PRKCSH: variants seen among roughly 807,000 people sequenced by gnomAD.
PRKCSH encodes glucosidase 2 subunit beta.
In PRKCSH, 42 loss-of-function variants were observed where a neutral mutation model predicts 79.7. That is an observed-to-expected ratio of 0.53 (90% CI 0.41 to 0.68). The LOEUF (loss-of-function observed/expected upper bound fraction) is 0.68, where lower values mean the gene tolerates loss of function less well. PRKCSH is among the 30% of genes least tolerant of loss of function. The pLI, the probability that PRKCSH is intolerant of heterozygous loss-of-function variation, is 0.00. For synonymous variants in PRKCSH, 325 were observed against 288.2 expected (o/e 1.13, Z -1.29); for missense variants, 686 against 709.0 (o/e 0.97, Z 0.37).
At chr19:11,437,448 T>C (rs1158932285) in intron 3 of PRKCSH, among the ~76,000 whole-genome samples, 1 of 151,342 alleles carries the variant, frequency 6.6e-6, no homozygotes, top group Non-Finnish European at 1.5e-5. Flanking sequence ...ACCTCCCGGG[T>C]TCAAGCGATT....
At chr19:11,437,846 C>A (rs369233857) in intron 3 of PRKCSH, 30 bp from the exon 4 acceptor site, 6 of 1,603,196 alleles carry the variant, frequency 3.7e-6, no homozygotes, top group Non-Finnish European at 5.1e-6. Context: ...GAGCTGACTC[C>A]GAAAACCTTC....
chr19:11,442,722 A>G (rs1970119612), intron 7 of PRKCSH, among the ~76,000 whole-genome samples: 1 of 152,018 alleles, frequency 6.6e-6, no homozygotes, highest in African/African-American at 2.4e-5. Flanking sequence ...TGTTTTTTGA[A>G]ACAGCGTCTC....
chr19:11,441,248 G>T lies in PRKCSH; in HGVS notation c.359G>T (p.Gly120Val), dbSNP rs765285257. ...VICENTCKEK[G>V]RKERESLQQM... The stretch of plus-strand genomic sequence containing the variant: ...GTGTCTCCGCACCGCAGAGAGAAGG[G>T]CCGTAAGGAGAGAGAGTCCCTGCAG... Residue 120 changes from glycine to valine, a missense_variant, in exon 6 of 18, where the codon GGC (glycine) becomes GTC (valine). Coordinates refer to ENST00000677123, the MANE Select transcript of PRKCSH (RefSeq NM_001289104.2). The T allele has an allele frequency of 6.2e-7, 1 of 1,614,054 alleles. No individual in the cohort carries two copies. Among genetic ancestry groups the T allele is most frequent in the South Asian group, 1.1e-5 (1 of 91,074 alleles).
rs1283647745 is a variant in PRKCSH at position 11,438,102 on chromosome 19, G to A, written c.328G>A (p.Val110Ile). Residue 110 changes from valine (V) to isoleucine (I), a missense_variant, in exon 5 of 18, where the codon GTC (valine) becomes ATC (isoleucine). This residue lies in a region of PRKCSH where 549 missense variants were observed against 520.2 expected (regional missense o/e 1.06). Coordinates refer to ENST00000677123, the MANE Select transcript of PRKCSH (RefSeq NM_001289104.2). ...CDGTDEYNSG[V>I]ICENTCKEKG... ...TGGAACAGACGAGTACAACAGCGGC[G>A]TCATCTGTGAGAACACCTGCAAGTA... The A allele has an allele frequency of 5.6e-6, 9 of 1,613,956 alleles. No individual in the cohort carries two copies. The highest frequency in any genetic ancestry group is 1.6e-4 in the Middle Eastern group (1 of 6,082).
At position 11,448,307 on chromosome 19, in the gene PRKCSH, G is replaced by A. The variant is rs1355783914; in HGVS notation, c.1196+16G>A. 2.6e-6 allele frequency: 4 copies of A among 1,568,280 alleles called. No homozygotes were observed. Among genetic ancestry groups the A allele is most frequent in the Non-Finnish European group, 3.5e-6 (4 of 1,156,482 alleles). On this transcript the variant is annotated intron_variant, in intron 13 of 17. Coordinates refer to ENST00000677123, the MANE Select transcript of PRKCSH (RefSeq NM_001289104.2). This position sits in a 1 kb window ranked among gnomAD's most constrained non-coding sequence, Gnocchi z 4.4. ...AGTCCATCAGGTAGCGGGGGCTGAG[G>A]AGCGGGGACACCTGTCCCACAGCGA...
intron 7 of PRKCSH, among the ~76,000 whole-genome samples, chr19:11,443,008 A>G (rs1024654425): frequency 6.6e-6 from 1 of 151,630 alleles, no homozygotes; most frequent in Non-Finnish European, 1.5e-5. Flanking sequence ...CCGGCCGCCT[A>G]CTTCCTTTTA....
chr19:11,444,679 G>A (rs760058795), intron 7 of PRKCSH, among the ~76,000 whole-genome samples: 8 of 152,178 alleles, frequency 5.3e-5, no homozygotes, highest in Non-Finnish European at 1.2e-4. Flanking sequence ...GCTTAGGTTA[G>A]AGTAGCGACA....
At chr19:11,436,671 C>G in intron 3 of PRKCSH, 166 bp downstream of exon 3, 1 of 649,232 alleles carries the variant, frequency 1.5e-6, no homozygotes, top group Non-Finnish European at 2.8e-6. Flanking sequence ...CTGGAGGAGC[C>G]CAGAGTCGTC....
chr19:11,436,964 C>T (rs571340297), intron 3 of PRKCSH, among the ~76,000 whole-genome samples: 2 of 152,320 alleles, frequency 1.3e-5, no homozygotes, highest in African/African-American at 4.8e-5. Flanking sequence ...CTCAAGTCAT[C>T]CTCCTGCCTT....
intron 7 of PRKCSH, 62 bp downstream of exon 7, chr19:11,442,577 G>A (rs1473280837): frequency 1.3e-6 from 2 of 1,584,602 alleles, no homozygotes; most frequent in Non-Finnish European, 1.7e-6. Context: ...CTGGGCCTAG[G>A]AGTCTCCCGC....
At chr19:11,445,989 G>C in intron 8 of PRKCSH, 1 of 568,460 alleles carries the variant, frequency 1.8e-6, no homozygotes. Context: ...AATGTGCCGG[G>C]TCCTGGGGTG....
chr19:11,448,234 C>T lies in PRKCSH; in HGVS notation c.1139C>T (p.Ala380Val), dbSNP rs867963575. The part of the protein sequence containing the change: ...TQAFIDAAQE[A>V]RNKFEEAERS... ...ACCCCTCTCCCAGCTGCCCAGGAGG[C>T]CCGCAACAAGTTCGAGGAGGCCGAG... Residue 380 changes from alanine (A) to valine (V), a missense_variant, in exon 13 of 18, where the codon GCC (alanine) becomes GTC (valine). Ala to Val is a moderately conservative substitution (Grantham distance 64). Around this residue, in one of 2 missense-constraint regions of PRKCSH, gnomAD observed 549 missense variants for 520.2 expected, o/e 1.06. Transcript: ENST00000677123. The surrounding 1 kb of genome is among the most constrained non-coding windows in gnomAD (Gnocchi z 4.4). 6.4e-6 allele frequency: 10 copies of T among 1,561,150 alleles called. 1 individual carries two copies. The South Asian group carries it at 1.1e-4, about 17-fold the overall frequency.
chr19:11,438,695 C>T (rs1275915904), intron 5 of PRKCSH, among the ~76,000 whole-genome samples: 1 of 147,272 alleles, frequency 6.8e-6, no homozygotes, highest in Non-Finnish European at 1.5e-5. Flanking sequence ...GCAGAGGTTG[C>T]AGTGAGCCGA....
chr19:11,441,139 C>G, intron 5 of PRKCSH, 101 bp from the exon 6 acceptor site: 1 of 1,152,696 alleles, frequency 8.7e-7, no homozygotes, highest in South Asian at 1.2e-5. Context: ...CCCAGCATGG[C>G]TTGGTGGGGG....
intron 7 of PRKCSH, among the ~76,000 whole-genome samples, chr19:11,443,525 A>G (rs1186340372): frequency 6.0e-5 from 9 of 150,626 alleles, no homozygotes; most frequent in African/African-American, 2.2e-4. Context: ...CAGCCTGGCA[A>G]CAGAGTGAGA....
rs2302973 is a variant in PRKCSH, at chr19:11,446,898, C to T, written c.763-176C>T. 0.051 allele frequency among the ~76,000 whole-genome samples: 7,691 copies of T among 152,226 alleles called. 335 individuals carry two copies. The highest frequency in any genetic ancestry group is 0.12 in the East Asian group (593 of 5,148). On this transcript the variant is annotated intron_variant, in intron 9 of 17. Transcript: ENST00000677123. ...AGCCCCTGGTCTCCTCCTCCCCTCCCACGGGCCTGTGCTGCCCCCTCCTGG... is the reference window on the plus strand; with the variant it reads ...AGCCCCTGGTCTCCTCCTCCCCTCCTACGGGCCTGTGCTGCCCCCTCCTGG...
At chr19:11,445,536 C>T in intron 8 of PRKCSH, 63 bp downstream of exon 8, 2 of 1,526,742 alleles carry the variant, frequency 1.3e-6, no homozygotes, top group Non-Finnish European at 1.8e-6. Flanking sequence ...TCCCCGCCAC[C>T]CTCGCCTCTA....
In PRKCSH at chr19:11,445,645, A is replaced by G. The variant is rs913351373; in HGVS notation, c.683+172A>G. The stretch of plus-strand genomic sequence containing the variant: ...CTCTTACTCGTGGATGGCCAGGTCC[A>G]GGATGCCCTGGGCGAGGAGATAGGG... On this transcript the variant is annotated intron_variant, in intron 8 of 17. Transcript: ENST00000677123. 19 of 705,166 alleles carry G rather than the reference A, an allele frequency of 2.7e-5. No individual in the cohort carries two copies. In the African/African-American group the frequency reaches 3.3e-4, roughly 12 times the overall value. The allele number at this position is 705,166 out of a possible 1,614,324, so 43.7% of individuals were successfully genotyped here. A position where few individuals can be genotyped will look rare whatever the true frequency, so the allele number is the denominator to read the frequency against.
rs558138927 is a variant in PRKCSH at position 11,447,417 on chromosome 19, G to T, written c.850-22G>T. The T allele has an allele frequency of 6.9e-5, 111 of 1,612,052 alleles. 2 individuals carry two copies. In the South Asian group the frequency reaches 1.1e-3, roughly 17 times the overall value. ...GGGTGGACCCTGAGTCCACAACACC[G>T]ACCGCACTGCTCACCCGCCAGGCAC... is the stretch of plus-strand genomic sequence containing the variant. On this transcript the variant is annotated intron_variant, in intron 10 of 17. Transcript: ENST00000677123. The surrounding 1 kb of genome is among the most constrained non-coding windows in gnomAD (Gnocchi z 5.6).
Sources: gnomAD v4.1 joint callset for allele counts (sites outside exome capture counted in the v4.1 genomes callset) on GRCh38, gnomAD v4.1.1 for gene constraint, gnomAD v4.1.1 regional missense constraint, Gnocchi (gnomAD v3.1) non-coding constraint, MANE v1.5 for transcripts, NCBI Gene and HGNC (gene_info 2026-07-23, HGNC 2026-07-21) for gene names.